The following LMNA variants were observed in gnomAD, a reference collection of about 807,000 sequenced individuals.
LMNA encodes lamin A/C.
Under a neutral mutation model 70.4 loss-of-function variants are expected in LMNA, and 20 were observed. The ratio of observed to expected loss-of-function variants is 0.28; its 90% CI spans 0.20 to 0.41. The LOEUF (loss-of-function observed/expected upper bound fraction) is 0.41, where lower values mean the gene tolerates loss of function less well. Among genes scored for constraint, LMNA ranks in the 10% least tolerant of loss-of-function variants. The pLI is 1.00. For synonymous variants in LMNA, 339 were observed against 372.8 expected (o/e 0.91, Z 1.04); for missense variants, 652 against 917.2 (o/e 0.71, Z 3.73).
In LMNA at chr1:156,139,828, T is replaced by C. The variant is rs921268252; in HGVS notation, c.*722T>C. On this transcript the variant is annotated 3_prime_UTR_variant, in exon 12 of 12. Transcript: ENST00000368300. Reference sequence around the variant, plus strand: ...AGGGAGAAGAAAGGTGAGTTTGAGCTGCCTTCCCTAGCTTTAGACCCTGGG... The same window carrying C: ...AGGGAGAAGAAAGGTGAGTTTGAGCCGCCTTCCCTAGCTTTAGACCCTGGG... 26 of 1,526,352 alleles carry C rather than the reference T, an allele frequency of 1.7e-5. No homozygotes were observed. The highest frequency in any genetic ancestry group is 2.1e-5 in the Non-Finnish European group (24 of 1,142,270). 94.6% of individuals were successfully genotyped at this position (1,526,352 alleles called of 1,614,324 possible). A position where few individuals can be genotyped will look rare whatever the true frequency, so the allele number is the denominator to read the frequency against.
At position 156,138,593 on chromosome 1, in the gene LMNA, G is replaced by A. The variant is rs60662302; in HGVS notation, c.1804G>A (p.Gly602Ser). ...GCCTGCCGACAAGGCATCTGCCAGC[G>A]GCTCAGGAGCCCAGGTGGGCGGACC... ...GQPADKASAS[G>S]SGAQVGGPIS... Residue 602 changes from glycine to serine, a missense_variant, in exon 11 of 12, where the codon GGC (glycine) becomes AGC (serine). Around this residue, in one of 4 missense-constraint regions of LMNA, gnomAD observed 327 missense variants for 387.6 expected, o/e 0.84. Transcript: ENST00000368300. The surrounding 1 kb of genome is among the most constrained non-coding windows in gnomAD (Gnocchi z 5.5). 245 of 1,612,964 alleles carry A rather than the reference G, an allele frequency of 1.5e-4. No individual in the cohort carries two copies. The African/African-American group carries it at 2.7e-3, about 18-fold the overall frequency.
intron 2 of LMNA, among the ~76,000 whole-genome samples, chr1:156,084,493 T>C (rs1312402095): frequency 2.6e-5 from 4 of 151,918 alleles, no homozygotes; most frequent in Non-Finnish European, 5.9e-5. Flanking sequence ...GTAAACCTTA[T>C]TGTGGGATTT....
At position 156,134,035 on chromosome 1, in the gene LMNA, G is replaced by A. The variant is rs1189637480; in HGVS notation, c.514-368G>A. Among the ~76,000 whole-genome samples the A allele has an allele frequency of 4.1e-5, 5 of 122,476 alleles. No individual in the cohort carries two copies. Among genetic ancestry groups the A allele is most frequent in the African/African-American group, 2.2e-4 (5 of 22,330 alleles). The allele number at this position is 122,476 out of a possible 152,430, so 80.3% of individuals were successfully genotyped here. A position where few individuals can be genotyped will look rare whatever the true frequency, so the allele number is the denominator to read the frequency against. On this transcript the variant is annotated intron_variant, in intron 2 of 11. Transcript: ENST00000368300. This position sits in a 1 kb window ranked among gnomAD's most constrained non-coding sequence, Gnocchi z 5.3. ...TGGGGGGCATATATCTTTTCTTTTT[G>A]AGACAGAGTCTAGCTGTGTCACCCA...
intron 1 of LMNA, among the ~76,000 whole-genome samples, chr1:156,117,549 G>T (rs562676139): frequency 6.6e-6 from 1 of 151,988 alleles, no homozygotes; most frequent in African/African-American, 2.4e-5. Flanking sequence ...TTTTTCTTGA[G>T]ATAGGGTTTC....
At chr1:156,111,213 G>T (rs1190815106), upstream of LMNA, among the ~76,000 whole-genome samples, 1 of 151,450 alleles carries the variant, frequency 6.6e-6, no homozygotes, top group African/African-American at 2.4e-5. Context: ...ACTTTGGGAG[G>T]CTAAGGTGAG....
rs267607548 is a variant in LMNA at position 156,136,003 on chromosome 1, G to A, written c.1039G>A (p.Glu347Lys). ...LLAEKEREMA[E>K]MRARMQQQLD... ...GGCGGAAAAGGAGCGGGAGATGGCC[G>A]AGATGCGGGCAAGGATGCAGCAGCA... is the stretch of plus-strand genomic sequence containing the variant. Residue 347 changes from glutamate to lysine, a missense_variant, in exon 6 of 12, where the codon GAG (glutamate) becomes AAG (lysine). This residue lies in a region of LMNA where 33 missense variants were observed against 75.3 expected (regional missense o/e 0.44). Transcript: ENST00000368300. This position sits in a 1 kb window ranked among gnomAD's most constrained non-coding sequence, Gnocchi z 6.1. The A allele has an allele frequency of 2.5e-6, 4 of 1,614,154 alleles. No individual in the cohort carries two copies. Among genetic ancestry groups the A allele is most frequent in the South Asian group, 1.1e-5 (1 of 91,092 alleles).
chr1:156,105,819 A>C (rs1414012438), intron 3 of LMNA, among the ~76,000 whole-genome samples: 1 of 152,178 alleles, frequency 6.6e-6, no homozygotes, highest in South Asian at 2.1e-4. Context: ...CTATTTTAGC[A>C]TTAAAAGTCC....
intron 3 of LMNA, among the ~76,000 whole-genome samples, chr1:156,107,777 C>T (rs533442018): frequency 1.2e-4 from 19 of 152,102 alleles, no homozygotes; most frequent in Middle Eastern, 3.4e-3. Flanking sequence ...ATTACAACCT[C>T]GTGGAGTTTG....
chr1:156,100,634 A>G (rs1649110373), intron 3 of LMNA, among the ~76,000 whole-genome samples: 1 of 152,124 alleles, frequency 6.6e-6, no homozygotes, highest in South Asian at 2.1e-4. Flanking sequence ...TGCAGGAGGA[A>G]GGGGAGTTTA....
chr1:156,126,587 TG>T, intron 1 of LMNA: 1 of 848,350 alleles, frequency 1.2e-6, no homozygotes, highest in Non-Finnish European at 2.0e-6. Context: ...CTGCTGCAGC[TG>T]GGGAGCCGGA....
At chr1:156,106,770 TGCTGAATTTCC>T (rs1422095543) in intron 3 of LMNA, 1 of 152,338 alleles carries the variant, frequency 6.6e-6, no homozygotes, top group East Asian at 1.9e-4. Flanking sequence ...GCTGAATTTC[TGCTGAATTTCC>T]TTCTGCCTGC....
At chr1:156,094,071 C>T (rs1173131978) in intron 3 of LMNA, among the ~76,000 whole-genome samples, 4 of 152,084 alleles carry the variant, frequency 2.6e-5, no homozygotes, top group Non-Finnish European at 5.9e-5. Flanking sequence ...GGTCTGGGGC[C>T]GTACACAGCA....
At chr1:156,119,687 CCCACCCCAGGCAAGGCAGCTGGGTG>C (rs908109542) in intron 1 of LMNA, among the ~76,000 whole-genome samples, 4 of 152,178 alleles carry the variant, frequency 2.6e-5, no homozygotes, top group African/African-American at 4.8e-5. Flanking sequence ...GCAGCTGGGC[CCCACCCCAGGCAAGGCAGCTGGGTG>C]GATGACTCAG....
At chr1:156,133,525 C>A (rs1199906501) in intron 2 of LMNA, among the ~76,000 whole-genome samples, 1 of 151,662 alleles carries the variant, frequency 6.6e-6, no homozygotes, top group African/African-American at 2.4e-5. Flanking sequence ...GAGCTGAGAT[C>A]GCGCCACTGC....
chr1:156,109,228 A>C (rs1026118973), intron 3 of LMNA, among the ~76,000 whole-genome samples: 1 of 152,154 alleles, frequency 6.6e-6, no homozygotes, highest in Admixed American at 6.5e-5. Context: ...TCCTGGCTTC[A>C]TCACTGGGCT....
intron 3 of LMNA, among the ~76,000 whole-genome samples, chr1:156,091,368 C>T (rs1422359048): frequency 1.3e-5 from 2 of 152,122 alleles, no homozygotes; most frequent in East Asian, 1.9e-4. Context: ...TTTGGGAGGC[C>T]GAGGCGGGCA....
At chr1:156,133,227 T>C (rs1651234433) in intron 2 of LMNA, among the ~76,000 whole-genome samples, 1 of 152,086 alleles carries the variant, frequency 6.6e-6, no homozygotes, top group Admixed American at 6.5e-5. Flanking sequence ...TGTGCTGGGA[T>C]TATAGGCATG....
chr1:156,116,693 T>C (rs1351161109), intron 1 of LMNA, among the ~76,000 whole-genome samples: 1 of 152,076 alleles, frequency 6.6e-6, no homozygotes, highest in Non-Finnish European at 1.5e-5. Context: ...GCCTCCCGAA[T>C]AGCTGAGATT....
At chr1:156,094,797 T>C (rs1648854437) in intron 3 of LMNA, among the ~76,000 whole-genome samples, 1 of 151,976 alleles carries the variant, frequency 6.6e-6, no homozygotes, top group Non-Finnish European at 1.5e-5. Context: ...TCTTGTGCTG[T>C]CACCCAGGCT....
Sources: gnomAD v4.1 joint callset for allele counts (sites outside exome capture counted in the v4.1 genomes callset) on GRCh38, gnomAD v4.1.1 for gene constraint, gnomAD v4.1.1 regional missense constraint, Gnocchi (gnomAD v3.1) non-coding constraint, MANE v1.5 for transcripts, NCBI Gene and HGNC (gene_info 2026-07-23, HGNC 2026-07-21) for gene names.